FOXP1: variants seen among roughly 807,000 people sequenced by gnomAD.
FOXP1 encodes the protein forkhead box P1, also known as forkhead box protein P1.
FOXP1 carries 15 observed loss-of-function variants against 98.2 expected under a neutral mutation model. The observed-to-expected ratio is 0.15, with a 90% CI of 0.10 to 0.24. The LOEUF (loss-of-function observed/expected upper bound fraction) is 0.24, where lower values mean the gene tolerates loss of function less well. FOXP1 is among the 10% of genes least tolerant of loss of function. The pLI, the probability that FOXP1 is intolerant of heterozygous loss-of-function variation, is 1.00. For synonymous variants in FOXP1, 371 were observed against 314.5 expected, an observed-to-expected ratio of 1.18 and a Z score of -1.90; for missense variants, 633 against 848.5, an observed-to-expected ratio of 0.75 and a Z score of 3.15.
intron 11 of FOXP1, among the ~76,000 whole-genome samples, chr3:71,040,117 C>CTG (rs374687973): frequency 0.017 from 2,598 of 149,630 alleles, 26 homozygotes; most frequent in Middle Eastern, 0.045. Context: ...GTATGTATCT[C>CTG]TGTGTGTGTG....
At chr3:71,378,199 T>C (rs1396349202) in intron 3 of FOXP1, among the ~76,000 whole-genome samples, 1 of 15,692 alleles carries the variant, frequency 6.4e-5, no homozygotes, top group Non-Finnish European at 2.1e-3. Context: ...TCTGGGTCGC[T>C]AGCTTCTCTT....
At chr3:71,575,984 CT>C (rs2107838817) in intron 2 of FOXP1, among the ~76,000 whole-genome samples, 1 of 152,310 alleles carries the variant, frequency 6.6e-6, no homozygotes, top group Non-Finnish European at 1.5e-5. Context: ...GGATGTCCAC[CT>C]GACTTACAAG....
chr3:71,378,097 C>CAAA (rs11333445), intron 3 of FOXP1, among the ~76,000 whole-genome samples: 1 of 115,660 alleles, frequency 8.6e-6, no homozygotes, highest in African/African-American at 3.1e-5. Context: ...GGCCAAGAAA[C>CAAA]AAAAAAAAAA....
At chr3:71,120,097 T>A (rs1042460716) in intron 6 of FOXP1, among the ~76,000 whole-genome samples, 4 of 152,172 alleles carry the variant, frequency 2.6e-5, no homozygotes, top group African/African-American at 9.7e-5. Context: ...AGGTTATTGG[T>A]GTCATAAATA....
intron 3 of FOXP1, among the ~76,000 whole-genome samples, chr3:71,424,941 T>C (rs2084003778): frequency 6.6e-6 from 1 of 152,204 alleles, no homozygotes; most frequent in African/African-American, 2.4e-5. Flanking sequence ...GAAAGCTTTT[T>C]CTAGGAAGAG....
At chr3:70,969,581 T>C (rs2107127475) in intron 19 of FOXP1, 1 of 152,376 alleles carries the variant, frequency 6.6e-6, no homozygotes, top group South Asian at 2.1e-4. Flanking sequence ...CTCCTGTCAG[T>C]ATCTCCTCCT....
chr3:71,262,496 T>A (rs565448144), intron 5 of FOXP1, among the ~76,000 whole-genome samples: 1 of 151,630 alleles, frequency 6.6e-6, no homozygotes, highest in East Asian at 1.9e-4. Flanking sequence ...AACATCAAAT[T>A]TATGTAGAAA....
chr3:71,020,831 T>C (rs1446297657), intron 11 of FOXP1, among the ~76,000 whole-genome samples: 3 of 152,158 alleles, frequency 2.0e-5, no homozygotes, highest in Non-Finnish European at 4.4e-5. Flanking sequence ...GTTTTCCTCC[T>C]CTCCAAATTT....
At chr3:71,130,181 G>A (rs1411088535) in intron 6 of FOXP1, among the ~76,000 whole-genome samples, 1 of 152,186 alleles carries the variant, frequency 6.6e-6, no homozygotes, top group Non-Finnish European at 1.5e-5. Flanking sequence ...GTCACAGTAA[G>A]CAGAGAGAGG....
intron 2 of FOXP1, among the ~76,000 whole-genome samples, chr3:71,565,934 CAAATGAGATAT>C (rs1268379518): frequency 6.6e-6 from 1 of 152,070 alleles, no homozygotes; most frequent in African/African-American, 2.4e-5. Context: ...AAGAGGTGAA[CAAATGAGATAT>C]AAATAAATCA....
At chr3:71,401,235 A>G (rs1424251468) in intron 3 of FOXP1, among the ~76,000 whole-genome samples, 1 of 152,240 alleles carries the variant, frequency 6.6e-6, no homozygotes, top group Non-Finnish European at 1.5e-5. Context: ...AAAAGTTCAA[A>G]AAGGGTTTTG....
intron 7 of FOXP1, among the ~76,000 whole-genome samples, chr3:71,105,194 T>C (rs1427815763): frequency 1.3e-5 from 2 of 152,128 alleles, no homozygotes; most frequent in Admixed American, 6.5e-5. Flanking sequence ...TACTACAAAA[T>C]ATGGCTTGCG....
At chr3:70,964,601 G>A (rs2034334088) in intron 20 of FOXP1, among the ~76,000 whole-genome samples, 1 of 152,188 alleles carries the variant, frequency 6.6e-6, no homozygotes, top group African/African-American at 2.4e-5. Flanking sequence ...GATTTAAGAT[G>A]AATACAAATG....
At chr3:70,996,844 T>A (rs9853237) in intron 13 of FOXP1, among the ~76,000 whole-genome samples, 6,421 of 152,212 alleles carry the variant, frequency 0.042, 474 homozygotes, top group African/African-American at 0.15. Flanking sequence ...ATGTGAACAC[T>A]TACGTACCAT....
intron 2 of FOXP1, among the ~76,000 whole-genome samples, chr3:71,494,333 A>T (rs9813955): frequency 0.068 from 10,290 of 152,210 alleles, 430 homozygotes; most frequent in South Asian, 0.12. Context: ...ATTTCTTCTA[A>T]ATACTTTAAA....
intron 6 of FOXP1, among the ~76,000 whole-genome samples, chr3:71,170,980 C>A (rs2061624253): frequency 1.3e-5 from 2 of 152,126 alleles, no homozygotes; most frequent in Admixed American, 1.3e-4. Context: ...TGGTCTTCTT[C>A]CAAACCAGGA....
At chr3:71,452,229 A>G (rs1248231909) in intron 3 of FOXP1, among the ~76,000 whole-genome samples, 1 of 152,324 alleles carries the variant, frequency 6.6e-6, no homozygotes, top group East Asian at 1.9e-4. Context: ...TAAAGGGATC[A>G]TGAAAAGCTC....
At chr3:71,075,716 G>T (rs75153021) in intron 7 of FOXP1, among the ~76,000 whole-genome samples, 16 of 146,150 alleles carry the variant, frequency 1.1e-4, no homozygotes, top group East Asian at 2.0e-4. Flanking sequence ...GGTTTTTTTT[G>T]TTTTTTTTTT....
At chr3:71,212,756 C>A (rs2064584795) in intron 5 of FOXP1, among the ~76,000 whole-genome samples, 2 of 152,074 alleles carry the variant, frequency 1.3e-5, no homozygotes. Flanking sequence ...ACTGATGACC[C>A]AGCATTAGCC....
Sources: gnomAD v4.1 joint callset for allele counts (sites outside exome capture counted in the v4.1 genomes callset) on GRCh38, gnomAD v4.1.1 for gene constraint, MANE v1.5 for transcripts, NCBI Gene and HGNC (gene_info 2026-07-23, HGNC 2026-07-21) for gene names.